Variants in ARSG observed in about 807,000 individuals in gnomAD.
The protein encoded by ARSG is ASG.
A neutral mutation model predicts 50.5 loss-of-function variants in ARSG; 37 were observed. The ratio of observed to expected loss-of-function variants is 0.73; its 90% CI spans 0.56 to 0.96. The LOEUF (loss-of-function observed/expected upper bound fraction) is 0.96. ARSG is among the 50% of genes least tolerant of loss of function. ARSG has a pLI of 0.00. For missense variants in ARSG, 629 were observed against 675.3 expected, an observed-to-expected ratio of 0.93 and a Z score of 0.76; for synonymous variants, 225 against 254.6, an observed-to-expected ratio of 0.88 and a Z score of 1.11.
At chr17:68,313,649 T>G (rs1348980915) in intron 2 of ARSG, among the ~76,000 whole-genome samples, 2 of 151,784 alleles carry the variant, frequency 1.3e-5, no homozygotes, top group Non-Finnish European at 2.9e-5. Flanking sequence ...TTCAGTCTGG[T>G]GCAATTAGCT....
chr17:68,300,229 G>A (rs1025724218), intron 1 of ARSG, among the ~76,000 whole-genome samples: 2 of 152,084 alleles, frequency 1.3e-5, no homozygotes, highest in Non-Finnish European at 2.9e-5. Flanking sequence ...TACACGTGTG[G>A]CCCACCACGC....
At chr17:68,448,437 C>T in the ARSG span, 5 of 152,118 alleles carry the variant, frequency 3.3e-5, no homozygotes, top group South Asian at 2.1e-4. Context: ...GATCTTGGTT[C>T]GTGGCTTTGC....
At chr17:68,334,945 T>C (rs768476089) in intron 2 of ARSG, among the ~76,000 whole-genome samples, 1 of 152,176 alleles carries the variant, frequency 6.6e-6, no homozygotes, top group Admixed American at 6.5e-5. Context: ...GGAGGGGACA[T>C]AGACCCCACC....
chr17:68,265,483 G>C (rs1345401800), intron 1 of ARSG, among the ~76,000 whole-genome samples: 1 of 152,238 alleles, frequency 6.6e-6, no homozygotes, highest in African/African-American at 2.4e-5. Context: ...GACAGAGCAA[G>C]ACTCTGTCTC....
intron 1 of ARSG, chr17:68,274,255 C>A: frequency 1.9e-6 from 1 of 535,918 alleles, no homozygotes; most frequent in Non-Finnish European, 3.2e-6. Context: ...CGCTTGAGCC[C>A]AGGAGTTCAA....
the ARSG span, chr17:68,450,786 G>A: frequency 1.2e-6 from 2 of 1,613,978 alleles, no homozygotes; most frequent in Admixed American, 1.7e-5. Context: ...ACAGATCTCT[G>A]TGCCTTTCTT....
chr17:68,314,204 C>G (rs2076980361), intron 2 of ARSG, among the ~76,000 whole-genome samples: 1 of 152,004 alleles, frequency 6.6e-6, no homozygotes, highest in Admixed American at 6.6e-5. Context: ...GATAGCACCT[C>G]TACCTCACAG....
rs2079593401 is a variant in ARSG at position 68,367,330 on chromosome 17, A to G, written c.705-1218A>G. On this transcript the variant is annotated intron_variant, in intron 6 of 11. Transcript: ENST00000621439. This position sits in a 1 kb window ranked among gnomAD's most constrained non-coding sequence, Gnocchi z 4.5. ...GATTTGAGGGCACAGTTGGCTATAG[A>G]GCAAGGCTGTAAGGTGGTGTAAACC... is the stretch of plus-strand genomic sequence containing the variant. Among the ~76,000 whole-genome samples the G allele has an allele frequency of 6.6e-6, 1 of 152,184 alleles. No individual in the cohort carries two copies. The highest frequency in any genetic ancestry group is 2.4e-5 in the African/African-American group (1 of 41,456).
chr17:68,284,385 C>G (rs571844499), intron 1 of ARSG, among the ~76,000 whole-genome samples: 1 of 152,068 alleles, frequency 6.6e-6, no homozygotes, highest in Non-Finnish European at 1.5e-5. Context: ...CAGAGCAAGA[C>G]TCTGTCTAAA....
At chr17:68,341,333 C>T (rs996807196) in intron 2 of ARSG, among the ~76,000 whole-genome samples, 2 of 152,186 alleles carry the variant, frequency 1.3e-5, no homozygotes. Flanking sequence ...CAAACGTTTA[C>T]AAGGTACGAA....
downstream of ARSG, chr17:68,426,254 G>GGGGGGGGGGGGGGGGTC: frequency 1.2e-6 from 1 of 816,924 alleles, no homozygotes. Context: ...GGGAGCGGGG[G>GGGGGGGGGGGGGGGGTC]CTCAAATAAA....
intron 2 of ARSG, among the ~76,000 whole-genome samples, chr17:68,312,928 C>G (rs2076923152): frequency 6.6e-6 from 1 of 152,164 alleles, no homozygotes; most frequent in Non-Finnish European, 1.5e-5. Flanking sequence ...TTTTCTAGGA[C>G]TGCTGGAACA....
chr17:68,424,593 C>A (rs372514593), downstream of ARSG: 31 of 481,720 alleles, frequency 6.4e-5, 1 homozygote, highest in African/African-American at 5.8e-4. Context: ...ACACTACTTC[C>A]GGCCGGGTGC....
rs1339092717 is a variant in ARSG at position 68,378,283 on chromosome 17, C to A, written c.983-6781C>A. Among the ~76,000 whole-genome samples the A allele has an allele frequency of 6.6e-6, 1 of 152,208 alleles. No homozygotes were observed. The highest frequency in any genetic ancestry group is 1.5e-5 in the Non-Finnish European group (1 of 68,032). ...TCGCAACGGAGTAGGACAAACAGTA[C>A]CCGGAGTCGTGCAACTTTCTCCCTG... On this transcript the variant is annotated intron_variant, in intron 8 of 11. Transcript: ENST00000621439. The surrounding 1 kb of genome is among the most constrained non-coding windows in gnomAD (Gnocchi z 4.4).
chr17:68,287,783 T>C (rs1314207615), upstream of ARSG, among the ~76,000 whole-genome samples: 4 of 152,094 alleles, frequency 2.6e-5, no homozygotes, highest in Admixed American at 2.6e-4. Flanking sequence ...GATAACCTGG[T>C]TTCTGAACCT....
chr17:68,374,471 C>T (rs916258260), intron 8 of ARSG, among the ~76,000 whole-genome samples: 3 of 152,174 alleles, frequency 2.0e-5, no homozygotes, highest in African/African-American at 7.2e-5. Context: ...TTGATCTCTT[C>T]TCTCTTTATG....
chr17:68,335,636 G>C (rs984949320), intron 2 of ARSG, among the ~76,000 whole-genome samples: 1 of 152,210 alleles, frequency 6.6e-6, no homozygotes, highest in Non-Finnish European at 1.5e-5. Flanking sequence ...GGGTATTGGG[G>C]CGTGGCAGAT....
At chr17:68,333,759 C>T (rs956112783) in intron 2 of ARSG, among the ~76,000 whole-genome samples, 2 of 151,976 alleles carry the variant, frequency 1.3e-5, no homozygotes. Flanking sequence ...AGGAAGGGAA[C>T]AGAAAAAGCT....
intron 2 of ARSG, among the ~76,000 whole-genome samples, chr17:68,335,691 A>C (rs569246468): frequency 5.9e-5 from 9 of 152,196 alleles, no homozygotes; most frequent in Non-Finnish European, 1.2e-4. Flanking sequence ...CGAGGTGCTA[A>C]CATTGGAACA....
Sources: gnomAD v4.1 joint callset for allele counts (sites outside exome capture counted in the v4.1 genomes callset) on GRCh38, gnomAD v4.1.1 for gene constraint, Gnocchi (gnomAD v3.1) non-coding constraint, MANE v1.5 for transcripts, NCBI Gene and HGNC (gene_info 2026-07-23, HGNC 2026-07-21) for gene names.